SLX9: variants seen among roughly 807,000 people sequenced by gnomAD.
SLX9 encodes SLX9 ribosome biogenesis factor.
SLX9 carries 19 observed loss-of-function variants against 20.8 expected under a neutral mutation model. The ratio of observed to expected loss-of-function variants is 0.91; its 90% confidence interval spans 0.64 to 1.34. SLX9 has a LOEUF of 1.34. Among genes scored for constraint, SLX9 ranks in the 40% most tolerant of loss-of-function variants. The probability of loss-of-function intolerance (pLI) is 0.00; values close to 1 mark genes in which losing one functional copy is unlikely to be tolerated. For missense variants in SLX9, 299 were observed against 322.2 expected, an observed-to-expected ratio of 0.93 and a Z score of 0.55; for synonymous variants, 113 against 137.1, an observed-to-expected ratio of 0.82 and a Z score of 1.23.
intron 2 of SLX9, 34 bp from the exon 3 acceptor site, chr21:44,960,066 A>C: frequency 6.2e-7 from 1 of 1,604,786 alleles, no homozygotes; most frequent in Non-Finnish European, 8.5e-7. Context: ...CCACCTGGAC[A>C]CGTTTTGCTC....
At chr21:44,972,299 C>A (rs2085165997) in intron 4 of SLX9, among the ~76,000 whole-genome samples, 1 of 152,180 alleles carries the variant, frequency 6.6e-6, no homozygotes, top group African/African-American at 2.4e-5. Flanking sequence ...TGGGCGGCTG[C>A]CTTGGCCGGC....
At chr21:44,959,650 A>G (rs1180187913) in intron 2 of SLX9, among the ~76,000 whole-genome samples, 4 of 152,210 alleles carry the variant, frequency 2.6e-5, no homozygotes, top group Non-Finnish European at 4.4e-5. Context: ...GGCAGGGGGC[A>G]GGGAGCACGT....
At chr21:44,968,478 G>A (rs1004855658) in intron 4 of SLX9, among the ~76,000 whole-genome samples, 3 of 152,274 alleles carry the variant, frequency 2.0e-5, no homozygotes, top group Non-Finnish European at 2.9e-5. Context: ...CCTCGCAGGG[G>A]ATGCAGCCTG....
At chr21:44,971,332 T>G (rs2085144470) in intron 4 of SLX9, among the ~76,000 whole-genome samples, 1 of 152,274 alleles carries the variant, frequency 6.6e-6, no homozygotes, top group South Asian at 2.1e-4. Flanking sequence ...CCTTGGCCCA[T>G]GACGGTAACC....
Position 44,951,505 on chromosome 21 carries a change from C to T in SLX9, c.283+7668C>T, listed in dbSNP as rs537405833. Among the ~76,000 whole-genome samples, 4 of 152,286 alleles carry T rather than the reference C, an allele frequency of 2.6e-5. No homozygotes were observed. In the East Asian group the frequency reaches 7.7e-4, roughly 29 times the overall value. ...GTCTTTGCCCACCGTGCCTCACTCA[C>T]TGTCATGCCTGTGGCTGAGACTTGA... On this transcript the variant is annotated intron_variant, in intron 2 of 5. Transcript: ENST00000291634.
At chr21:44,962,511 C>A (rs899138323) in intron 3 of SLX9, among the ~76,000 whole-genome samples, 7 of 152,198 alleles carry the variant, frequency 4.6e-5, no homozygotes, top group African/African-American at 1.7e-4. Context: ...GCAGTCCATG[C>A]CTTTTGATTG....
intron 5 of SLX9, among the ~76,000 whole-genome samples, chr21:44,974,986 C>T (rs572706365): frequency 6.6e-6 from 1 of 152,348 alleles, no homozygotes; most frequent in Non-Finnish European, 1.5e-5. Context: ...CATTTTGAAG[C>T]AGCTCAGGTT....
intron 2 of SLX9, among the ~76,000 whole-genome samples, chr21:44,953,450 G>A (rs534745909): frequency 1.3e-5 from 2 of 152,300 alleles, no homozygotes; most frequent in South Asian, 2.1e-4. Context: ...CATCCCCGGC[G>A]GTGGGGCCCT....
intron 3 of SLX9, among the ~76,000 whole-genome samples, chr21:44,965,577 C>T (rs780702973): frequency 4.6e-5 from 7 of 152,330 alleles, no homozygotes; most frequent in Admixed American, 1.3e-4. Flanking sequence ...GTGCAGAATC[C>T]TCTGCACACT....
intron 4 of SLX9, chr21:44,969,145 C>T (rs1400233544): frequency 2.1e-6 from 1 of 470,454 alleles, no homozygotes; most frequent in East Asian, 7.0e-5. Flanking sequence ...AACCTGGGGT[C>T]CATCCTTTCA....
At chr21:44,950,604 C>CAGGGGTCGG (rs1226781293) in intron 2 of SLX9, among the ~76,000 whole-genome samples, 1 of 152,236 alleles carries the variant, frequency 6.6e-6, no homozygotes, top group Non-Finnish European at 1.5e-5. Context: ...GACGCTAGAC[C>CAGGGGTCGG]AGGGGTCGGA....
chr21:44,963,375 CTT>C (rs34354955), intron 3 of SLX9, among the ~76,000 whole-genome samples: 42 of 146,988 alleles, frequency 2.9e-4, no homozygotes, highest in East Asian at 9.8e-4. Flanking sequence ...GGCGTGAGAA[CTT>C]TTTTTTTTTT....
At chr21:44,973,089 C>A in intron 4 of SLX9, 108 bp from the exon 5 acceptor site, 2 of 1,200,292 alleles carry the variant, frequency 1.7e-6, no homozygotes, top group Non-Finnish European at 2.4e-6. Flanking sequence ...TTGGTCACCT[C>A]TGGCCACCAC....
At chr21:44,945,084 C>T (rs2146609941) in intron 2 of SLX9, among the ~76,000 whole-genome samples, 1 of 152,316 alleles carries the variant, frequency 6.6e-6, no homozygotes, top group Admixed American at 6.5e-5. Context: ...ATTCCTTGGG[C>T]ACAAGTCATG....
At chr21:44,974,089 C>T (rs2085215212) in intron 5 of SLX9, among the ~76,000 whole-genome samples, 1 of 152,208 alleles carries the variant, frequency 6.6e-6, no homozygotes, top group African/African-American at 2.4e-5. Context: ...ATCTCCAGAC[C>T]ACGCACGCTC....
chr21:44,969,297 A>G (rs79794356), intron 4 of SLX9: 54,428 of 441,502 alleles, frequency 0.12, 3,763 homozygotes, highest in Non-Finnish European at 0.15. Context: ...TGATGACCGA[A>G]CATTCCTGGT....
intron 2 of SLX9, among the ~76,000 whole-genome samples, chr21:44,950,608 G>A (rs561093203): frequency 3.3e-5 from 5 of 152,252 alleles, no homozygotes; most frequent in Non-Finnish European, 7.3e-5. Flanking sequence ...CTAGACCAGG[G>A]GTCGGAGGTG....
intron 2 of SLX9, among the ~76,000 whole-genome samples, chr21:44,954,563 C>T (rs773873487): frequency 2.4e-4 from 37 of 152,176 alleles, no homozygotes; most frequent in Non-Finnish European, 5.0e-4. Context: ...TTTGCCTTTC[C>T]TCAGGACTGC....
intron 2 of SLX9, 104 bp from the exon 3 acceptor site, chr21:44,959,996 G>T: frequency 1.0e-6 from 1 of 992,824 alleles, no homozygotes; most frequent in Admixed American, 1.8e-5. Flanking sequence ...ACCAGTTGCA[G>T]TGACTGTGGC....
Sources: gnomAD v4.1 joint callset for allele counts (sites outside exome capture counted in the v4.1 genomes callset) on GRCh38, gnomAD v4.1.1 for gene constraint, MANE v1.5 for transcripts, NCBI Gene and HGNC (gene_info 2026-07-23, HGNC 2026-07-21) for gene names.